TLN2: variants seen among roughly 807,000 people sequenced by gnomAD.
The protein encoded by TLN2 is talin 2, also known as talin-2.
Under a neutral mutation model 294.7 loss-of-function variants are expected in TLN2, and 118 were observed. The observed-to-expected ratio is 0.40, with a 90% CI of 0.34 to 0.47. The LOEUF is 0.47. Among genes scored for constraint, TLN2 ranks in the 20% least tolerant of loss-of-function variants. The pLI is 0.84. For synonymous variants in TLN2, 1,431 were observed against 1,304.5 expected (o/e 1.10, Z -2.09); for missense variants, 3,083 against 3,282.2 (o/e 0.94, Z 1.48).
At position 62,741,748 on chromosome 15, in the gene TLN2, C is replaced by CGCGCGTGTGTGTGTGTTGTGT; in HGVS notation, c.4025+980_4025+981insCGCGTGTGTGTGTGTTGTGTG. On this transcript the variant is annotated intron_variant, in intron 32 of 58. Transcript: ENST00000636159. Reference sequence around the variant, plus strand: ...TTAACTTGGTTTTTTAAAATTTGCGCGTGTGTGTGTGTGTGTGTGTCTTTA... The same window carrying CGCGCGTGTGTGTGTGTTGTGT: ...TTAACTTGGTTTTTTAAAATTTGCGCGCGCGTGTGTGTGTGTTGTGTGTGTGTGTGTGTGTGTGTGTCTTTA... Among the ~76,000 whole-genome samples, 4 of 131,072 alleles carry CGCGCGTGTGTGTGTGTTGTGT rather than the reference C, an allele frequency of 3.1e-5. No individual in the cohort carries two copies. The Admixed American group carries it at 3.1e-4, about 10-fold the overall frequency. 86.0% of individuals were successfully genotyped at this position (131,072 alleles called of 152,430 possible).
intron 2 of TLN2, among the ~76,000 whole-genome samples, chr15:62,599,348 A>T (rs1228581528): frequency 6.6e-6 from 1 of 152,176 alleles, no homozygotes; most frequent in South Asian, 2.1e-4. Flanking sequence ...TTACCCTACC[A>T]TTAACTTACA....
At chr15:62,655,386 C>T (rs2053088776) in intron 7 of TLN2, among the ~76,000 whole-genome samples, 1 of 152,110 alleles carries the variant, frequency 6.6e-6, no homozygotes, top group African/African-American at 2.4e-5. Context: ...TTTAAGCTGG[C>T]CCATGGCACG....
chr15:62,738,957 G>A (rs1204017523), intron 30 of TLN2, among the ~76,000 whole-genome samples: 1 of 152,202 alleles, frequency 6.6e-6, no homozygotes, highest in Non-Finnish European at 1.5e-5. Context: ...GAGAGCATCT[G>A]CCTTTTAGTT....
At chr15:62,441,042 A>G (rs1117215) in intron 1 of TLN2, among the ~76,000 whole-genome samples, 81,806 of 151,972 alleles carry the variant, frequency 0.54, 23,651 homozygotes, top group East Asian at 0.77. Flanking sequence ...CTTCACATTC[A>G]TGCTCTGGGA....
rs574766855 is a variant in TLN2, at chr15:62,461,523, G to A, written c.-238+70838G>A. Among the ~76,000 whole-genome samples, 41 of 152,340 alleles carry A rather than the reference G, an allele frequency of 2.7e-4. 1 individual carries two copies. The highest frequency in any genetic ancestry group is 9.6e-4 in the African/African-American group (40 of 41,568). ...TTCAACACGGATGGGTTTATACCTA[G>A]ACGTAGTATTTAGATGTGTTTGCTT... On this transcript the variant is annotated intron_variant, in intron 1 of 58. Transcript: ENST00000636159.
chr15:62,806,753 C>A (rs569718438), intron 51 of TLN2, among the ~76,000 whole-genome samples: 1 of 152,178 alleles, frequency 6.6e-6, no homozygotes, highest in African/African-American at 2.4e-5. Flanking sequence ...GCCTTGCCCC[C>A]AGGGACTCCG....
chr15:62,598,145 C>A (rs1447805900), intron 2 of TLN2, among the ~76,000 whole-genome samples: 1 of 152,214 alleles, frequency 6.6e-6, no homozygotes, highest in Non-Finnish European at 1.5e-5. Context: ...GAAATTCTCA[C>A]ACAAGCCTTG....
chr15:62,802,090 C>T (rs1412661795), intron 50 of TLN2, among the ~76,000 whole-genome samples: 3 of 152,042 alleles, frequency 2.0e-5, no homozygotes, highest in African/African-American at 7.2e-5. Flanking sequence ...TCCCTCCCCA[C>T]TTCCCCACCC....
intron 1 of TLN2, among the ~76,000 whole-genome samples, chr15:62,568,512 T>C (rs1029926110): frequency 6.6e-6 from 1 of 152,338 alleles, no homozygotes. Flanking sequence ...AGTAGTCCTC[T>C]TCAGAATGTT....
At chr15:62,677,033 G>T (rs2056288482) in intron 11 of TLN2, among the ~76,000 whole-genome samples, 1 of 152,240 alleles carries the variant, frequency 6.6e-6, no homozygotes, top group Admixed American at 6.5e-5. Context: ...CACAGATGGT[G>T]TTCCCAACCT....
In TLN2 at chr15:62,708,636, G is replaced by A; in HGVS notation, c.2307G>A (p.Gln769=). The A allele has an allele frequency of 6.2e-7, 1 of 1,614,234 alleles. No individual in the cohort carries two copies. Among genetic ancestry groups the A allele is most frequent in the Non-Finnish European group, 8.5e-7 (1 of 1,180,044 alleles). The change falls in exon 21 of 59, where the codon CAG becomes CAA. Residue 769 remains glutamine (Q), a synonymous_variant. Coordinates refer to ENST00000636159, the MANE Select transcript of TLN2 (RefSeq NM_015059.3). ...CTACCGATAGTGAGCTCCTGAAGCAGGTCAGCGCAGCGGCCAGCGTGGTCA... is the reference window on the plus strand; with the variant it reads ...CTACCGATAGTGAGCTCCTGAAGCAAGTCAGCGCAGCGGCCAGCGTGGTCA... ...AATTDSELLK[Q]VSAAASVVSQ...
intron 1 of TLN2, among the ~76,000 whole-genome samples, chr15:62,551,426 C>T (rs758150636): frequency 2.6e-5 from 4 of 152,004 alleles, no homozygotes; most frequent in East Asian, 1.9e-4. Context: ...AATCTCAGCA[C>T]GTTGGGAGGC....
rs1281543256 is a variant in TLN2 at position 62,653,168 on chromosome 15, C to T, written c.371C>T (p.Thr124Ile). The stretch of plus-strand genomic sequence containing the variant: ...CCTAATTTCCAATGTTTAGGAATAA[C>T]AAATTATGAAGAATACTCCTTAATC... ...LVTICSRIGI[T>I]NYEEYSLIQE... Residue 124 changes from threonine to isoleucine, a missense_variant, in exon 7 of 59, where the codon ACA (threonine) becomes ATA (isoleucine). By Grantham distance (89) the Thr-to-Ile change is moderately conservative. Transcript: ENST00000636159. The T allele has an allele frequency of 1.3e-6, 2 of 1,562,006 alleles. No homozygotes were observed. The highest frequency in any genetic ancestry group is 1.4e-5 in the African/African-American group (1 of 72,744).
At chr15:62,587,359 A>G (rs1596257279) in intron 1 of TLN2, among the ~76,000 whole-genome samples, 1 of 152,226 alleles carries the variant, frequency 6.6e-6, no homozygotes, top group African/African-American at 2.4e-5. Context: ...TATAAGAAGT[A>G]AAAATCATCT....
At chr15:62,783,368 G>T (rs1169433418) in intron 44 of TLN2, among the ~76,000 whole-genome samples, 1 of 152,230 alleles carries the variant, frequency 6.6e-6, no homozygotes, top group Non-Finnish European at 1.5e-5. Flanking sequence ...CATAGGGCTT[G>T]TGCCTCCTGG....
intron 1 of TLN2, among the ~76,000 whole-genome samples, chr15:62,495,377 C>A (rs1277518235): frequency 6.6e-6 from 1 of 152,136 alleles, no homozygotes; most frequent in Admixed American, 6.5e-5. Flanking sequence ...AGAGAGGGGG[C>A]AGAACATGAC....
intron 44 of TLN2, among the ~76,000 whole-genome samples, chr15:62,781,514 G>A (rs1266888000): frequency 6.6e-6 from 1 of 152,216 alleles, no homozygotes; most frequent in Non-Finnish European, 1.5e-5. Context: ...GCAAAGGAAG[G>A]AGAGAAAATG....
chr15:62,701,356 C>A, intron 17 of TLN2, 142 bp downstream of exon 17: 4 of 710,056 alleles, frequency 5.6e-6, no homozygotes, highest in Non-Finnish European at 2.3e-6. Context: ...ACTTTTAGTG[C>A]TGTAGGCATT....
rs757606368 is a variant in TLN2 at position 62,707,184 on chromosome 15, A to G, written c.2103A>G (p.Leu701=). ...CCCAAGTGGCCGAAGACACTGTCCT[A>G]CAGAACAGGGTAATTGCTGCTGCCA... ...NVAQVAEDTV[L]QNRVIAAATQ... The change falls in exon 20 of 59, where the codon CTA becomes CTG. Residue 701 remains leucine (L), a synonymous_variant. Transcript: ENST00000636159. 1.6e-5 allele frequency: 26 copies of G among 1,614,102 alleles called. No homozygotes were observed. In the Admixed American group the frequency reaches 1.8e-4, roughly 11 times the overall value.
Sources: gnomAD v4.1 joint callset for allele counts (sites outside exome capture counted in the v4.1 genomes callset) on GRCh38, gnomAD v4.1.1 for gene constraint, MANE v1.5 for transcripts, NCBI Gene and HGNC (gene_info 2026-07-23, HGNC 2026-07-21) for gene names.